The following SYNPO2 variants were observed in gnomAD, a reference collection of about 807,000 sequenced individuals.
SYNPO2 encodes synaptopodin 2.
A neutral mutation model predicts 85.0 loss-of-function variants in SYNPO2; 56 were observed. That is an observed-to-expected ratio of 0.66 (90% confidence interval 0.53 to 0.82). The LOEUF is 0.82. Ranked by LOEUF, SYNPO2 falls within the 40% of genes least tolerant of loss-of-function variation. SYNPO2 has a pLI of 0.00. For missense variants in SYNPO2, 1,575 were observed against 1,534.2 expected (o/e 1.03, Z -0.44); for synonymous variants, 602 against 591.1 (o/e 1.02, Z -0.27).
At position 119,011,653 on chromosome 4, in the gene SYNPO2, G is replaced by A. The variant is rs563113359; in HGVS notation, c.106-11777G>A. 4.6e-4 allele frequency among the ~76,000 whole-genome samples: 70 copies of A among 152,300 alleles called. No homozygotes were observed. The Middle Eastern group carries it at 0.01, about 22-fold the overall frequency. ...GGTTTAGGAGTGCCTGTTGACCCAG[G>A]TATTAAGAAAAGTTGATACAGACAT... On this transcript the variant is annotated intron_variant, in intron 1 of 4. Coordinates refer to ENST00000307142, the MANE Select transcript of SYNPO2 (RefSeq NM_133477.3).
intron 1 of SYNPO2, among the ~76,000 whole-genome samples, chr4:119,010,168 T>C (rs1737237076): frequency 6.6e-6 from 1 of 152,208 alleles, no homozygotes. Flanking sequence ...GCTCTATGAC[T>C]TTGCCTCACT....
intron 1 of SYNPO2, among the ~76,000 whole-genome samples, chr4:118,985,748 G>A (rs552272207): frequency 1.3e-5 from 2 of 152,308 alleles, no homozygotes; most frequent in Admixed American, 1.3e-4. Flanking sequence ...CACAGAACTT[G>A]GTTCAGTGTC....
intron 1 of SYNPO2, among the ~76,000 whole-genome samples, chr4:118,976,402 G>A (rs1735739151): frequency 6.6e-6 from 1 of 152,322 alleles, no homozygotes; most frequent in African/African-American, 2.4e-5. Context: ...GACCCAAAGA[G>A]TGAGCAGTAG....
At chr4:118,983,973 A>G (rs1426431295) in intron 1 of SYNPO2, among the ~76,000 whole-genome samples, 1 of 152,088 alleles carries the variant, frequency 6.6e-6, no homozygotes. Flanking sequence ...CCCCTTTGTC[A>G]TTTGTAAGTT....
chr4:119,054,097 C>T (rs1269622604), intron 4 of SYNPO2, among the ~76,000 whole-genome samples: 1 of 152,238 alleles, frequency 6.6e-6, no homozygotes, highest in Admixed American at 6.5e-5. Context: ...TCACTGTGCT[C>T]AACCCCTTGA....
rs201135815 is a variant in SYNPO2 at position 119,057,446 on chromosome 4, C to G, written c.3298C>G (p.Pro1100Ala). 2.6e-4 allele frequency: 424 copies of G among 1,613,168 alleles called. No individual in the cohort carries two copies. Among genetic ancestry groups the G allele is most frequent in the Non-Finnish European group, 2.8e-4 (330 of 1,179,748 alleles). ...LSLPGRSVPP[P>A]ISTSPWVYQP... The stretch of plus-strand genomic sequence containing the variant: ...TCTTCCTGGAAGATCAGTCCCACCC[C>G]CCATTTCTACATCTCCTTGGGTATA... The change falls in exon 5 of 5, where the codon CCC (proline) becomes GCC (alanine). Residue 1100 changes from proline to alanine, a missense_variant. Physicochemically the swap from Pro to Ala is conservative, Grantham distance 27. Around this residue, in one of 3 missense-constraint regions of SYNPO2, gnomAD observed 1,508 missense variants for 1,446.8 expected, o/e 1.04. Coordinates refer to ENST00000307142, the MANE Select transcript of SYNPO2 (RefSeq NM_133477.3).
intron 4 of SYNPO2, among the ~76,000 whole-genome samples, chr4:119,046,144 T>C (rs1166865991): frequency 6.6e-6 from 1 of 152,190 alleles, no homozygotes; most frequent in Non-Finnish European, 1.5e-5. Flanking sequence ...AGGTAACAAA[T>C]ACAGTGTTTA....
At chr4:119,032,501 G>C (rs1374424144) in intron 4 of SYNPO2, 1 of 1,015,946 alleles carries the variant, frequency 9.8e-7, no homozygotes, top group African/African-American at 1.7e-5. Context: ...TCTATTACTA[G>C]TGTTAAAGGA....
intron 1 of SYNPO2, among the ~76,000 whole-genome samples, chr4:118,910,046 A>G (rs564097590): frequency 6.6e-6 from 1 of 152,254 alleles, no homozygotes; most frequent in South Asian, 2.1e-4. Context: ...CTATTTTACT[A>G]TGACCTCCAA....
intron 1 of SYNPO2, among the ~76,000 whole-genome samples, chr4:118,875,952 C>T (rs145856265): frequency 2.0e-5 from 3 of 152,240 alleles, no homozygotes; most frequent in African/African-American, 7.2e-5. Context: ...AACAAATCCT[C>T]AACTCATCTT....
At position 118,891,138 on chromosome 4, in the gene SYNPO2, T is replaced by A. The variant is rs1018515676; in HGVS notation, c.105+1997T>A. Among the ~76,000 whole-genome samples the A allele has an allele frequency of 2.4e-4, 36 of 152,148 alleles. 1 individual carries two copies. Among genetic ancestry groups the A allele is most frequent in the Non-Finnish European group, 8.8e-5 (6 of 68,030 alleles). ...GATTCAGTAAGGTTGTTAGGCTATG[T>A]CAGAATCCAGTCCTACACTCCCCCT... On this transcript the variant is annotated intron_variant, in intron 1 of 4. Coordinates refer to ENST00000307142, the MANE Select transcript of SYNPO2 (RefSeq NM_133477.3).
At chr4:118,951,817 A>C (rs538872174) in intron 1 of SYNPO2, among the ~76,000 whole-genome samples, 1 of 152,186 alleles carries the variant, frequency 6.6e-6, no homozygotes, top group Admixed American at 6.5e-5. Flanking sequence ...TTGAAGATTA[A>C]AATATAAACT....
Position 119,030,424 on chromosome 4 carries a change from T to G in SYNPO2, c.1649T>G (p.Val550Gly). The change falls in exon 4 of 5, where the codon GTG becomes GGG. Residue 550 changes from valine to glycine, a missense_variant. Transcript: ENST00000307142. ...EEESVRTQSS[V>G]SKSYIEVSHG... The stretch of plus-strand genomic sequence containing the variant: ...GAGTCGGTAAGAACGCAGAGCTCTG[T>G]GAGCAAAAGCTACATCGAGGTGAGT... 1 of 1,614,066 alleles carries G rather than the reference T, an allele frequency of 6.2e-7. No homozygotes were observed. The highest frequency in any genetic ancestry group is 1.1e-5 in the South Asian group (1 of 91,072).
chr4:118,859,328 T>C (rs1267866194), intron 1 of SYNPO2, among the ~76,000 whole-genome samples: 2 of 152,220 alleles, frequency 1.3e-5, no homozygotes, highest in Non-Finnish European at 2.9e-5. Flanking sequence ...TTACATGAGA[T>C]ATTTTGATAT....
At chr4:118,993,064 T>C (rs1461636140) in intron 1 of SYNPO2, among the ~76,000 whole-genome samples, 3 of 151,874 alleles carry the variant, frequency 2.0e-5, no homozygotes, top group Non-Finnish European at 4.4e-5. Flanking sequence ...ATAATAAGAG[T>C]AGATATGCGA....
intron 1 of SYNPO2, among the ~76,000 whole-genome samples, chr4:118,932,564 G>A (rs967747667): frequency 6.6e-6 from 1 of 152,044 alleles, no homozygotes; most frequent in Non-Finnish European, 1.5e-5. Context: ...GTAGATAATC[G>A]ATTTTTTTAT....
intron 1 of SYNPO2, among the ~76,000 whole-genome samples, 191 bp from the exon 2 acceptor site, chr4:119,023,239 T>C (rs1737808034): frequency 6.6e-6 from 1 of 152,248 alleles, no homozygotes; most frequent in Admixed American, 6.5e-5. Flanking sequence ...CATATTATGG[T>C]ACATGATAAA....
chr4:118,876,601 C>T (rs1272015594), intron 1 of SYNPO2, among the ~76,000 whole-genome samples: 1 of 151,434 alleles, frequency 6.6e-6, no homozygotes, highest in Non-Finnish European at 1.5e-5. Flanking sequence ...CTTTTCCTTC[C>T]CTCCCTCCCT....
chr4:118,897,577 A>G (rs1254543777), intron 1 of SYNPO2, among the ~76,000 whole-genome samples: 1 of 152,174 alleles, frequency 6.6e-6, no homozygotes, highest in Non-Finnish European at 1.5e-5. Flanking sequence ...TTCTGGAGAA[A>G]ATTTTATTTA....
Sources: allele counts gnomAD v4.1 joint callset (sites outside exome capture counted in the v4.1 genomes callset), GRCh38; gene constraint gnomAD v4.1.1; regional missense constraint gnomAD v4.1.1; transcripts MANE v1.5; gene names NCBI Gene and HGNC (gene_info 2026-07-23, HGNC 2026-07-21).